ZNF704: variants seen among roughly 807,000 people sequenced by gnomAD.
The protein encoded by ZNF704 is zinc finger protein 704.
In ZNF704, 10 loss-of-function variants were observed where a neutral mutation model predicts 44.7. That is an observed-to-expected ratio of 0.22 (90% confidence interval 0.14 to 0.38). ZNF704 has a LOEUF of 0.38. Ranked by LOEUF, ZNF704 falls within the 10% of genes least tolerant of loss-of-function variation. The probability of loss-of-function intolerance (pLI) is 1.00; values close to 1 mark genes in which losing one functional copy is unlikely to be tolerated. For missense variants in ZNF704, 390 were observed against 545.5 expected (o/e 0.71, Z 2.84); for synonymous variants, 211 against 207.6 (o/e 1.02, Z -0.14).
intron 2 of ZNF704, among the ~76,000 whole-genome samples, chr8:80,797,992 A>G (rs1807835512): frequency 6.6e-6 from 1 of 152,266 alleles, no homozygotes; most frequent in South Asian, 2.1e-4. Flanking sequence ...AGCAGCCTGA[A>G]TGTTTTACTG....
At chr8:80,677,906 G>T (rs907342596) in intron 4 of ZNF704, among the ~76,000 whole-genome samples, 1 of 152,198 alleles carries the variant, frequency 6.6e-6, no homozygotes, top group Non-Finnish European at 1.5e-5. Flanking sequence ...AGAATTTAAT[G>T]TTTCTCAGTA....
intron 1 of ZNF704, among the ~76,000 whole-genome samples, chr8:80,827,091 A>T (rs904283250): frequency 1.3e-5 from 2 of 152,204 alleles, no homozygotes; most frequent in African/African-American, 2.4e-5. Flanking sequence ...CAGGCAGAAG[A>T]AAGAAATAAA....
At chr8:80,849,585 C>T (rs1437785618) in intron 1 of ZNF704, among the ~76,000 whole-genome samples, 3 of 152,178 alleles carry the variant, frequency 2.0e-5, no homozygotes, top group African/African-American at 4.8e-5. Context: ...TCAGTTCTAG[C>T]TTAATAGTAT....
intron 1 of ZNF704, among the ~76,000 whole-genome samples, chr8:80,840,755 A>G (rs1808664432): frequency 6.6e-6 from 1 of 152,170 alleles, no homozygotes; most frequent in Non-Finnish European, 1.5e-5. Context: ...AAACCAAACC[A>G]AAAAACCATG....
intron 7 of ZNF704, among the ~76,000 whole-genome samples, chr8:80,649,842 T>C (rs1817888285): frequency 6.6e-6 from 1 of 152,202 alleles, no homozygotes. Context: ...CAGCTGGAGA[T>C]CTGAGGACGG....
At chr8:80,762,875 T>C (rs1807155498) in intron 2 of ZNF704, among the ~76,000 whole-genome samples, 1 of 152,202 alleles carries the variant, frequency 6.6e-6, no homozygotes, top group South Asian at 2.1e-4. Flanking sequence ...AATGCTCCCA[T>C]TCCAAATGGG....
At chr8:80,712,896 G>T (rs143740092) in intron 2 of ZNF704, among the ~76,000 whole-genome samples, 152 of 151,770 alleles carry the variant, frequency 1.0e-3, no homozygotes, top group African/African-American at 3.5e-3. Flanking sequence ...GTTTGTTTTG[G>T]TTTGGTTTGG....
chr8:80,841,761 T>A (rs1183521351), intron 1 of ZNF704, among the ~76,000 whole-genome samples: 1 of 152,096 alleles, frequency 6.6e-6, no homozygotes, highest in African/African-American at 2.4e-5. Context: ...TGCCAGAAAT[T>A]CTATCAATAG....
rs1041662499 is a variant in ZNF704 at position 80,794,088 on chromosome 8, T to A, written c.221+27286A>T. On this transcript the variant is annotated intron_variant, in intron 2 of 8. Transcript: ENST00000327835. ...TTATAAATAACAAGAAAATTGACATTAGTTGGACAAAATTAAGAGGTAACA... is the reference window on the plus strand; with the variant it reads ...TTATAAATAACAAGAAAATTGACATAAGTTGGACAAAATTAAGAGGTAACA... 3.3e-5 allele frequency among the ~76,000 whole-genome samples: 5 copies of A among 152,150 alleles called. No homozygotes were observed. The East Asian group carries it at 9.7e-4, about 29-fold the overall frequency.
intron 2 of ZNF704, among the ~76,000 whole-genome samples, chr8:80,790,718 G>T (rs1024695499): frequency 3.9e-5 from 6 of 152,120 alleles, no homozygotes; most frequent in Non-Finnish European, 1.5e-5. Context: ...CAGATTGAGT[G>T]GAGCCACACT....
intron 2 of ZNF704, among the ~76,000 whole-genome samples, chr8:80,815,510 T>C (rs1227943892): frequency 6.6e-6 from 1 of 152,250 alleles, no homozygotes; most frequent in Non-Finnish European, 1.5e-5. Context: ...TATCTAACAA[T>C]GCTTAACTGT....
chr8:80,692,909 G>C (rs1231285716), intron 3 of ZNF704, 95 bp downstream of exon 3: 2 of 1,110,686 alleles, frequency 1.8e-6, no homozygotes, highest in Non-Finnish European at 2.7e-6. Context: ...GAGGGTCAGT[G>C]GTTCATAGCG....
intron 1 of ZNF704, among the ~76,000 whole-genome samples, chr8:80,847,390 G>C (rs1441288496): frequency 2.6e-5 from 4 of 152,052 alleles, no homozygotes; most frequent in Non-Finnish European, 5.9e-5. Context: ...TAGTAAAAAT[G>C]TCAATTCTCC....
intron 2 of ZNF704, among the ~76,000 whole-genome samples, chr8:80,774,969 C>A (rs1807387086): frequency 6.6e-6 from 1 of 152,078 alleles, no homozygotes; most frequent in Admixed American, 6.5e-5. Context: ...GGGTTTCTAG[C>A]CAGTCTGTTT....
intron 1 of ZNF704, among the ~76,000 whole-genome samples, chr8:80,870,661 G>C (rs1809235844): frequency 6.6e-6 from 1 of 152,060 alleles, no homozygotes; most frequent in Non-Finnish European, 1.5e-5. Context: ...GTGTTTGCTG[G>C]CTTCTCCATT....
intron 1 of ZNF704, among the ~76,000 whole-genome samples, chr8:80,834,479 T>C (rs1372686228): frequency 2.0e-5 from 3 of 151,946 alleles, no homozygotes; most frequent in Non-Finnish European, 4.4e-5. Flanking sequence ...GGAATCAGTG[T>C]TGTTAATGCT....
chr8:80,735,426 T>C (rs1806650227), intron 2 of ZNF704, among the ~76,000 whole-genome samples: 2 of 152,228 alleles, frequency 1.3e-5, no homozygotes, highest in Admixed American at 6.5e-5. Context: ...TCAAAGTACA[T>C]CCTATACACA....
chr8:80,708,419 C>CT (rs1818930017), intron 2 of ZNF704, among the ~76,000 whole-genome samples: 1 of 152,208 alleles, frequency 6.6e-6, no homozygotes, highest in South Asian at 2.1e-4. Flanking sequence ...TGGATGAATA[C>CT]AGGTTAGTAA....
At chr8:80,786,962 C>A (rs1299809849) in intron 2 of ZNF704, among the ~76,000 whole-genome samples, 3 of 152,050 alleles carry the variant, frequency 2.0e-5, no homozygotes, top group Non-Finnish European at 4.4e-5. Flanking sequence ...TTAGTAAGTC[C>A]GTGTTAGTTG....
Sources: gnomAD v4.1 joint callset for allele counts (sites outside exome capture counted in the v4.1 genomes callset) on GRCh38, gnomAD v4.1.1 for gene constraint, MANE v1.5 for transcripts, NCBI Gene and HGNC (gene_info 2026-07-23, HGNC 2026-07-21) for gene names.